The following SLC22A23 variants were observed in gnomAD, a reference collection of about 807,000 sequenced individuals.
SLC22A23 encodes the protein solute carrier family 22 member 23.
In SLC22A23, 26 loss-of-function variants were observed where a neutral mutation model predicts 61.0. That is an observed-to-expected ratio of 0.43 (90% CI 0.31 to 0.59). The LOEUF (loss-of-function observed/expected upper bound fraction) is 0.59, where lower values mean the gene tolerates loss of function less well. SLC22A23 is among the 20% of genes least tolerant of loss of function. SLC22A23 has a pLI of 0.11. For synonymous variants in SLC22A23, 430 were observed against 413.9 expected (o/e 1.04, Z -0.47); for missense variants, 796 against 934.7 (o/e 0.85, Z 1.94).
intron 6 of SLC22A23, among the ~76,000 whole-genome samples, chr6:3,289,083 C>T (rs1159219124): frequency 6.6e-6 from 1 of 152,270 alleles, no homozygotes; most frequent in Non-Finnish European, 1.5e-5. Flanking sequence ...AATCCCTTCC[C>T]TCCGCCACCT....
chr6:3,326,388 G>C (rs1040174363), intron 3 of SLC22A23, among the ~76,000 whole-genome samples: 2 of 152,206 alleles, frequency 1.3e-5, no homozygotes, highest in African/African-American at 4.8e-5. Context: ...TGTTAGAAAT[G>C]CAGCATCTTA....
At chr6:3,341,783 G>A (rs765591626) in intron 3 of SLC22A23, among the ~76,000 whole-genome samples, 1 of 151,974 alleles carries the variant, frequency 6.6e-6, no homozygotes, top group Non-Finnish European at 1.5e-5. Context: ...CGAGGGGGGT[G>A]GGGGCGGGGG....
chr6:3,346,323 C>T (rs1423694411), intron 3 of SLC22A23, among the ~76,000 whole-genome samples: 1 of 152,174 alleles, frequency 6.6e-6, no homozygotes, highest in Non-Finnish European at 1.5e-5. Flanking sequence ...CCCCTCTCCG[C>T]ACAAAAGCCA....
intron 1 of SLC22A23, among the ~76,000 whole-genome samples, chr6:3,446,788 G>A (rs570558547): frequency 1.3e-5 from 2 of 152,130 alleles, no homozygotes; most frequent in Non-Finnish European, 2.9e-5. Context: ...AGTCTCCATC[G>A]TACGTGCGGT....
chr6:3,432,516 G>A (rs1770934666), intron 1 of SLC22A23, among the ~76,000 whole-genome samples: 1 of 152,194 alleles, frequency 6.6e-6, no homozygotes, highest in African/African-American at 2.4e-5. Context: ...CTTTGGCTCA[G>A]TAATTTCAGT....
At chr6:3,366,332 C>CAAAAAAAAAAAAAAAAAAAAAA (rs11387672) in intron 3 of SLC22A23, among the ~76,000 whole-genome samples, 3 of 74,162 alleles carry the variant, frequency 4.0e-5, no homozygotes, top group Non-Finnish European at 6.9e-5. Context: ...GACTCTGTCT[C>CAAAAAAAAAAAAAAAAAAAAAA]AAAAAAAAAA....
Position 3,271,694 on chromosome 6 carries a change from G to C in SLC22A23, c.*1361C>G, listed in dbSNP as rs1758485354. ...TTGCTACAAAGTGGTGCCTGCCCTT[G>C]CCAAGGAGGCTGTCTCTTAGTCGCC... is the stretch of plus-strand genomic sequence containing the variant. On this transcript the variant is annotated 3_prime_UTR_variant, in exon 10 of 10. Coordinates refer to ENST00000406686, the MANE Select transcript of SLC22A23 (RefSeq NM_015482.2). 1 of 152,344 alleles carries C rather than the reference G, an allele frequency of 6.6e-6. No homozygotes were observed. Among genetic ancestry groups the C allele is most frequent in the Admixed American group, 6.5e-5 (1 of 15,284 alleles). 9.4% of individuals were successfully genotyped at this position (152,344 alleles called of 1,614,324 possible). A position where few individuals can be genotyped will look rare whatever the true frequency, so the allele number is the denominator to read the frequency against.
At chr6:3,336,189 C>T (rs956307491) in intron 3 of SLC22A23, among the ~76,000 whole-genome samples, 1 of 152,112 alleles carries the variant, frequency 6.6e-6, no homozygotes, top group Non-Finnish European at 1.5e-5. Context: ...CCTAACTCAG[C>T]AGTTAAGCAA....
intron 3 of SLC22A23, among the ~76,000 whole-genome samples, chr6:3,405,218 A>G (rs1291542051): frequency 4.6e-5 from 7 of 151,936 alleles, no homozygotes; most frequent in Non-Finnish European, 1.0e-4. Context: ...CTGAGATGGC[A>G]CCACTGCACA....
rs1763450776 is a variant in SLC22A23, at chr6:3,329,265, A to T, written c.914-5263T>A. On this transcript the variant is annotated intron_variant, in intron 3 of 9. Coordinates refer to ENST00000406686, the MANE Select transcript of SLC22A23 (RefSeq NM_015482.2). This position sits in a 1 kb window ranked among gnomAD's most constrained non-coding sequence, Gnocchi z 4.8. ...CCTTTTGAAGCCAATCTTTGAAAAAAAAAGGCCCATCCTCCCATAATGCAC... is the reference window on the plus strand; with the variant it reads ...CCTTTTGAAGCCAATCTTTGAAAAATAAAGGCCCATCCTCCCATAATGCAC... Among the ~76,000 whole-genome samples the T allele has an allele frequency of 6.6e-6, 1 of 152,224 alleles. No homozygotes were observed. Among genetic ancestry groups the T allele is most frequent in the South Asian group, 2.1e-4 (1 of 4,832 alleles).
At chr6:3,321,931 AGCATGACCAGCTTTTG>A (rs1762976957) in intron 4 of SLC22A23, among the ~76,000 whole-genome samples, 1 of 151,304 alleles carries the variant, frequency 6.6e-6, no homozygotes, top group Non-Finnish European at 1.5e-5. Flanking sequence ...AGCACCAGCC[AGCATGACCAGCTTTTG>A]GTGGCAAAAT....
intron 4 of SLC22A23, among the ~76,000 whole-genome samples, chr6:3,314,500 G>A (rs1762526762): frequency 1.3e-5 from 2 of 152,184 alleles, no homozygotes; most frequent in Non-Finnish European, 2.9e-5. Flanking sequence ...ACCTCACAGG[G>A]TCTTCAGGAA....
intron 3 of SLC22A23, among the ~76,000 whole-genome samples, chr6:3,344,105 T>C (rs1408871769): frequency 6.6e-6 from 1 of 152,190 alleles, no homozygotes; most frequent in African/African-American, 2.4e-5. Flanking sequence ...TGGTCACATA[T>C]GGCTATTTAA....
At chr6:3,361,180 A>C (rs1199244115) in intron 3 of SLC22A23, among the ~76,000 whole-genome samples, 1 of 147,598 alleles carries the variant, frequency 6.8e-6, no homozygotes, top group Admixed American at 6.8e-5. Context: ...CACAGAACAC[A>C]CCCCCTCAAC....
intron 3 of SLC22A23, among the ~76,000 whole-genome samples, chr6:3,367,033 A>C (rs1765880258): frequency 6.6e-6 from 1 of 152,224 alleles, no homozygotes; most frequent in African/African-American, 2.4e-5. Context: ...CATGGCAATC[A>C]ATCATTGCAA....
rs1770925546 is a variant in SLC22A23 at position 3,432,388 on chromosome 6, C to T, written c.655-16533G>A. ...GTTTTTTCCCCGAATTCTGAAATTGCTTTTGCAGAACCTAAAGGAACCAAT... is the reference window on the plus strand; with the variant it reads ...GTTTTTTCCCCGAATTCTGAAATTGTTTTTGCAGAACCTAAAGGAACCAAT... On this transcript the variant is annotated intron_variant, in intron 1 of 9. Coordinates refer to ENST00000406686, the MANE Select transcript of SLC22A23 (RefSeq NM_015482.2). 3.0e-6 allele frequency: 3 copies of T among 985,374 alleles called. No homozygotes were observed. In the South Asian group the frequency reaches 1.4e-4, roughly 46 times the overall value. 61.0% of individuals were successfully genotyped at this position (985,374 alleles called of 1,614,324 possible).
At chr6:3,446,730 A>C (rs1771914255) in intron 1 of SLC22A23, among the ~76,000 whole-genome samples, 1 of 152,202 alleles carries the variant, frequency 6.6e-6, no homozygotes, top group African/African-American at 2.4e-5. Flanking sequence ...TTTCCCTGTC[A>C]AAAGCTCTCC....
At chr6:3,445,685 A>G (rs191717080) in intron 1 of SLC22A23, among the ~76,000 whole-genome samples, 294 of 152,288 alleles carry the variant, frequency 1.9e-3, no homozygotes, top group African/African-American at 6.6e-3. Context: ...GACCTGAGGG[A>G]TGAGCAGGAA....
chr6:3,447,015 CA>C, intron 1 of SLC22A23, among the ~76,000 whole-genome samples: 1 of 152,032 alleles, frequency 6.6e-6, no homozygotes, highest in East Asian at 1.9e-4. Flanking sequence ...CGCGAGATCT[CA>C]CTGCAGCCAG....
Sources: gnomAD v4.1 joint callset for allele counts (sites outside exome capture counted in the v4.1 genomes callset) on GRCh38, gnomAD v4.1.1 for gene constraint, Gnocchi (gnomAD v3.1) non-coding constraint, MANE v1.5 for transcripts, NCBI Gene and HGNC (gene_info 2026-07-23, HGNC 2026-07-21) for gene names.